Variants in SLCO3A1 observed in about 807,000 individuals in gnomAD.
SLCO3A1 encodes solute carrier organic anion transporter family member 3A1, also known as PGE1 transporter.
SLCO3A1 carries 27 observed loss-of-function variants against 63.1 expected under a neutral mutation model. The ratio of observed to expected loss-of-function variants is 0.43; its 90% confidence interval spans 0.32 to 0.59. SLCO3A1 has a LOEUF of 0.59. Among genes scored for constraint, SLCO3A1 ranks in the 20% least tolerant of loss-of-function variants. The pLI, the probability that SLCO3A1 is intolerant of heterozygous loss-of-function variation, is 0.09. For missense variants in SLCO3A1, 773 were observed against 945.8 expected, an observed-to-expected ratio of 0.82 and a Z score of 2.40; for synonymous variants, 473 against 409.9, an observed-to-expected ratio of 1.15 and a Z score of -1.86.
chr15:91,940,668 G>T (rs749643512), intron 2 of SLCO3A1, among the ~76,000 whole-genome samples: 1 of 152,254 alleles, frequency 6.6e-6, no homozygotes, highest in East Asian at 1.9e-4. Flanking sequence ...CATGTGAGTC[G>T]ACTGTTTCCT....
chr15:92,096,738 A>C (rs1254108728), intron 3 of SLCO3A1, among the ~76,000 whole-genome samples: 21 of 152,238 alleles, frequency 1.4e-4, no homozygotes, highest in Non-Finnish European at 2.9e-5. Context: ...TCACTCCATT[A>C]ATCCTACTGA....
At chr15:92,101,776 C>G (rs2047607856) in intron 3 of SLCO3A1, among the ~76,000 whole-genome samples, 1 of 152,154 alleles carries the variant, frequency 6.6e-6, no homozygotes, top group African/African-American at 2.4e-5. Flanking sequence ...TCCTGCTGTC[C>G]ACCACCTTCA....
At chr15:92,094,857 A>AT in intron 2 of SLCO3A1, 24 bp from the exon 3 acceptor site, 2 of 1,530,512 alleles carry the variant, frequency 1.3e-6, no homozygotes, top group Non-Finnish European at 1.8e-6. Context: ...TTTGTAATCT[A>AT]TTTTTTTCTT....
chr15:91,935,232 A>G (rs560553069), intron 2 of SLCO3A1, among the ~76,000 whole-genome samples: 11 of 152,312 alleles, frequency 7.2e-5, no homozygotes, highest in African/African-American at 2.6e-4. Flanking sequence ...GATTACAGGC[A>G]TGAGCCACCA....
At chr15:92,056,717 G>T (rs17644604) in intron 2 of SLCO3A1, among the ~76,000 whole-genome samples, 1 of 151,902 alleles carries the variant, frequency 6.6e-6, no homozygotes. Context: ...TCACTTTTCC[G>T]CTGAGAAAAG....
Position 91,863,129 on chromosome 15 carries a change from T to TTTA in SLCO3A1, c.180+9046_180+9048dup, listed in dbSNP as rs1401680436. Among the ~76,000 whole-genome samples the TTTA allele has an allele frequency of 2.0e-5, 3 of 152,236 alleles. No individual in the cohort carries two copies. The highest frequency in any genetic ancestry group is 7.2e-5 in the African/African-American group (3 of 41,464). On this transcript the variant is annotated intron_variant, in intron 1 of 9. Coordinates refer to ENST00000318445, the MANE Select transcript of SLCO3A1 (RefSeq NM_013272.4). This position sits in a 1 kb window ranked among gnomAD's most constrained non-coding sequence, Gnocchi z 4.3. The stretch of plus-strand genomic sequence containing the variant: ...TCTAAGCAGCATGGACCCATATGTG[T>TTTA]TTATTATGTAAGATTCAATTATGGT...
rs1362335623 is a variant in SLCO3A1 at position 91,854,522 on chromosome 15, A to G, written c.180+434A>G. 4.1e-6 allele frequency: 1 copy of G among 242,558 alleles called. No homozygotes were observed. The highest frequency in any genetic ancestry group is 6.7e-6 in the Non-Finnish European group (1 of 148,794). 15.0% of individuals were successfully genotyped at this position (242,558 alleles called of 1,614,324 possible). ...TCCTGCGTCCTCTACTCTCCATTGC[A>G]TCCTCCTCGAGAACAAATCTATTAT... On this transcript the variant is annotated intron_variant, in intron 1 of 9. Coordinates refer to ENST00000318445, the MANE Select transcript of SLCO3A1 (RefSeq NM_013272.4). The surrounding 1 kb of genome is among the most constrained non-coding windows in gnomAD (Gnocchi z 6.4).
chr15:92,142,744 C>T lies in SLCO3A1; in HGVS notation c.1513-4240C>T, dbSNP rs145738852. On this transcript the variant is annotated intron_variant, in intron 7 of 9. Coordinates refer to ENST00000318445, the MANE Select transcript of SLCO3A1 (RefSeq NM_013272.4). The stretch of plus-strand genomic sequence containing the variant: ...CGGATGGGGCTGTGCAGGCACCGTG[C>T]CAGCTGTAGCCTGAGATAAAGATGT... Among the ~76,000 whole-genome samples, 3 of 152,262 alleles carry T rather than the reference C, an allele frequency of 2.0e-5. No individual in the cohort carries two copies. The East Asian group carries it at 5.8e-4, about 29-fold the overall frequency.
At chr15:91,938,482 GT>G (rs71156621) in intron 2 of SLCO3A1, among the ~76,000 whole-genome samples, 50,152 of 136,098 alleles carry the variant, frequency 0.37, 8,854 homozygotes, top group East Asian at 0.7. Context: ...GGTTTTTTTT[GT>G]TTTTTTTTTT....
intron 2 of SLCO3A1, among the ~76,000 whole-genome samples, chr15:91,926,696 G>T (rs762058737): frequency 6.6e-6 from 1 of 152,024 alleles, no homozygotes; most frequent in East Asian, 1.9e-4. Flanking sequence ...AAATCGAGAT[G>T]TATTTCTTTA....
intron 8 of SLCO3A1, among the ~76,000 whole-genome samples, chr15:92,147,844 C>T (rs1446490180): frequency 1.3e-5 from 2 of 152,150 alleles, no homozygotes; most frequent in African/African-American, 2.4e-5. Flanking sequence ...TGCAGAGTTA[C>T]CTAGATTTGT....
chr15:92,067,168 C>A (rs1380932540), intron 2 of SLCO3A1, among the ~76,000 whole-genome samples: 2 of 150,952 alleles, frequency 1.3e-5, no homozygotes, highest in Non-Finnish European at 3.0e-5. Context: ...CCACAAACAC[C>A]CCCTGCTCCC....
chr15:91,966,439 G>GCAC (rs2036596582), intron 2 of SLCO3A1, among the ~76,000 whole-genome samples: 1 of 152,168 alleles, frequency 6.6e-6, no homozygotes, highest in African/African-American at 2.4e-5. Flanking sequence ...CAGCATCTCT[G>GCAC]AGGAAGATGT....
chr15:91,906,577 T>C (rs1347466096), intron 1 of SLCO3A1, among the ~76,000 whole-genome samples: 1 of 152,270 alleles, frequency 6.6e-6, no homozygotes, highest in Non-Finnish European at 1.5e-5. Context: ...ATAAATCAAA[T>C]GAGGGCCTTA....
chr15:92,123,677 C>G lies in SLCO3A1; in HGVS notation c.1175-2384C>G, dbSNP rs566306980. ...TAAAGTTGTAACTTCTTTGTTATCC[C>G]CAGGATCTCAGGTTTAGCCCTTCAG... is the stretch of plus-strand genomic sequence containing the variant. On this transcript the variant is annotated intron_variant, in intron 5 of 9. Coordinates refer to ENST00000318445, the MANE Select transcript of SLCO3A1 (RefSeq NM_013272.4). Among the ~76,000 whole-genome samples, 3 of 152,212 alleles carry G rather than the reference C, an allele frequency of 2.0e-5. No homozygotes were observed. In the East Asian group the frequency reaches 5.8e-4, roughly 29 times the overall value.
At chr15:92,011,753 C>T (rs1407832686) in intron 2 of SLCO3A1, among the ~76,000 whole-genome samples, 1 of 152,196 alleles carries the variant, frequency 6.6e-6, no homozygotes, top group Admixed American at 6.5e-5. Flanking sequence ...ATCGCTGGCT[C>T]CTAGCGTGGT....
intron 4 of SLCO3A1, among the ~76,000 whole-genome samples, chr15:92,109,304 A>G (rs1596109184): frequency 6.6e-6 from 1 of 152,218 alleles, no homozygotes; most frequent in East Asian, 1.9e-4. Flanking sequence ...CACTTCTGAC[A>G]GTAAACGGAC....
intron 1 of SLCO3A1, among the ~76,000 whole-genome samples, chr15:91,895,534 A>G (rs75822915): frequency 0.038 from 5,792 of 152,306 alleles, 212 homozygotes; most frequent in Admixed American, 0.08. Flanking sequence ...AGGACTTCAT[A>G]TGGAAGCTTT....
chr15:91,906,497 G>A (rs1898313008), intron 1 of SLCO3A1, among the ~76,000 whole-genome samples: 1 of 152,186 alleles, frequency 6.6e-6, no homozygotes, highest in African/African-American at 2.4e-5. Context: ...CAGGAAGCCG[G>A]GGCCCTAGGG....
Sources: allele counts gnomAD v4.1 joint callset (sites outside exome capture counted in the v4.1 genomes callset), GRCh38; gene constraint gnomAD v4.1.1; non-coding constraint Gnocchi (gnomAD v3.1); transcripts MANE v1.5; gene names NCBI Gene and HGNC (gene_info 2026-07-23, HGNC 2026-07-21).